Variants in GCAT observed in about 807,000 individuals in gnomAD.
GCAT encodes glycine C-acetyltransferase, also known as 2-amino-3-ketobutyrate coenzyme A ligase, mitochondrial.
A neutral mutation model predicts 39.7 loss-of-function variants in GCAT; 26 were observed. The observed-to-expected ratio is 0.65, with a 90% CI of 0.48 to 0.91. The LOEUF is 0.91. GCAT is among the 40% of genes least tolerant of loss of function. The pLI is 0.00. For synonymous variants in GCAT, 218 were observed against 237.2 expected (o/e 0.92, Z 0.74); for missense variants, 550 against 576.2 (o/e 0.95, Z 0.47).
At position 37,815,696 on chromosome 22, in the gene GCAT, C is replaced by T; in HGVS notation, c.848C>T (p.Ser283Phe). The T allele has an allele frequency of 6.2e-7, 1 of 1,613,276 alleles. No homozygotes were observed. Among genetic ancestry groups the T allele is most frequent in the Non-Finnish European group, 8.5e-7 (1 of 1,179,714 alleles). ...GYTTGPGPLV[S>F]LLRQRARPYL... ...ACGACAGGGCCTGGGCCCCTGGTGT[C>T]CCTGCTGCGGCAGCGCGCCCGGCCA... is the stretch of plus-strand genomic sequence containing the variant. Residue 283 changes from serine (S) to phenylalanine (F), a missense_variant, in exon 7 of 9, where the codon TCC (serine) becomes TTC (phenylalanine). By Grantham distance (155) the Ser-to-Phe change is radical. This residue lies in a region of GCAT where 378 missense variants were observed against 390.4 expected (regional missense o/e 0.97). Coordinates refer to ENST00000248924, the MANE Select transcript of GCAT (RefSeq NM_014291.4).
intron 1 of GCAT, among the ~76,000 whole-genome samples, chr22:37,809,626 CACGGACA>C (rs1921346557): frequency 6.6e-6 from 1 of 151,988 alleles, no homozygotes; most frequent in South Asian, 2.1e-4. Context: ...TCGAGACCAG[CACGGACA>C]ACATAATGAG....
At chr22:37,815,584 G>A in intron 6 of GCAT, 79 bp from the exon 7 acceptor site, 1 of 1,485,096 alleles carries the variant, frequency 6.7e-7, no homozygotes, top group Non-Finnish European at 9.3e-7. Context: ...AGGGCAGCAT[G>A]GACTGTACTT....
chr22:37,816,664 CCGCTG>C lies in GCAT; in HGVS notation c.1209_1213del (p.Cys404GlyfsTer19), dbSNP rs1922239668. The C allele has an allele frequency of 1.2e-6, 2 of 1,614,114 alleles. No individual in the cohort carries two copies. The highest frequency in any genetic ancestry group is 1.7e-6 in the Non-Finnish European group (2 of 1,180,014). On this transcript the variant is annotated frameshift_variant, in exon 9 of 9. Coordinates refer to ENST00000248924, the MANE Select transcript of GCAT (RefSeq NM_014291.4). LOFTEE classifies it high-confidence loss of function. ...CAGTGCATAGCGAGGAAGACATTGA[CCGCTG>C]CGTGGAGGCCTTCGTGGAAGTGGGG... is the stretch of plus-strand genomic sequence containing the variant.
rs1485321298 is a variant in GCAT, at chr22:37,815,219, T to A, written c.670T>A (p.Tyr224Asn). Residue 224 changes from tyrosine to asparagine, a missense_variant, in exon 5 of 9, where the codon TAT becomes AAT. Transcript: ENST00000248924. ...LQEICCLASRYGALVFMDECH... is the reference protein window; with the variant it reads ...LQEICCLASRNGALVFMDECH... Reference sequence around the variant, plus strand: ...GGAGATCTGCTGCCTCGCCTCTAGATATGGTGCCCTGGTCTTCATGGATGA... The same window carrying A: ...GGAGATCTGCTGCCTCGCCTCTAGAAATGGTGCCCTGGTCTTCATGGATGA... 1 of 1,613,982 alleles carries A rather than the reference T, an allele frequency of 6.2e-7. No homozygotes were observed. Among genetic ancestry groups the A allele is most frequent in the East Asian group, 2.2e-5 (1 of 44,892 alleles).
At position 37,816,586 on chromosome 22, in the gene GCAT, C is replaced by T; in HGVS notation, c.1128C>T (p.Phe376=). The part of the protein sequence containing the change: ...MLKRGIFVIG[F]SYPVVPKGKA... ...TCCCAGGCATCTTTGTCATCGGGTT[C>T]AGCTACCCCGTGGTCCCCAAGGGCA... Residue 376 remains phenylalanine, a synonymous_variant, in exon 9 of 9, where the codon TTC becomes TTT. Coordinates refer to ENST00000248924, the MANE Select transcript of GCAT (RefSeq NM_014291.4). 1 of 1,614,198 alleles carries T rather than the reference C, an allele frequency of 6.2e-7. No homozygotes were observed. Among genetic ancestry groups the T allele is most frequent in the Non-Finnish European group, 8.5e-7 (1 of 1,180,024 alleles).
Position 37,816,647 on chromosome 22 carries a change from A to T in GCAT, c.1189A>T (p.Ser397Cys), listed in dbSNP as rs143117832. The change falls in exon 9 of 9, where the codon AGC becomes TGC. Residue 397 changes from serine to cysteine, a missense_variant. Physicochemically the swap from Ser to Cys is moderately radical, Grantham distance 112. Transcript: ENST00000248924. Reference protein sequence around the residue: ...RIRVQISAVHSEEDIDRCVEA... With the variant: ...RIRVQISAVHCEEDIDRCVEA... ...CCGGGTACAGATCTCAGCAGTGCAT[A>T]GCGAGGAAGACATTGACCGCTGCGT... The T allele has an allele frequency of 2.5e-6, 4 of 1,614,034 alleles. No individual in the cohort carries two copies. In the Admixed American group the frequency reaches 6.7e-5, roughly 27 times the overall value.
At chr22:37,814,121 G>A (rs558289512) in intron 4 of GCAT, among the ~76,000 whole-genome samples, 1 of 152,038 alleles carries the variant, frequency 6.6e-6, no homozygotes, top group East Asian at 1.9e-4. Flanking sequence ...CTGTGTATGT[G>A]TGACAGTCTC....
At chr22:37,813,808 A>C (rs1921873984) in intron 4 of GCAT, among the ~76,000 whole-genome samples, 199 bp downstream of exon 4, 1 of 151,730 alleles carries the variant, frequency 6.6e-6, no homozygotes, top group Non-Finnish European at 1.5e-5. Context: ...CTCTGTCGCC[A>C]AGGCTGGAGT....
At chr22:37,814,102 G>A (rs928417428) in intron 4 of GCAT, among the ~76,000 whole-genome samples, 5 of 151,994 alleles carry the variant, frequency 3.3e-5, no homozygotes, top group African/African-American at 1.2e-4. Flanking sequence ...GGTGCCTTGA[G>A]GTTTTTCCCT....
intron 1 of GCAT, among the ~76,000 whole-genome samples, chr22:37,809,394 C>T (rs1452181620): frequency 2.6e-5 from 4 of 152,144 alleles, no homozygotes; most frequent in Non-Finnish European, 5.9e-5. Context: ...CTGCAGCAGG[C>T]GTCTGATCCA....
intron 4 of GCAT, among the ~76,000 whole-genome samples, chr22:37,814,639 G>A (rs780528074): frequency 2.6e-5 from 4 of 152,132 alleles, no homozygotes; most frequent in Non-Finnish European, 5.9e-5. Context: ...CAAAGTTACA[G>A]GCATGAGCCA....
At chr22:37,811,258 G>A (rs983632640) in intron 2 of GCAT, among the ~76,000 whole-genome samples, 7 of 152,036 alleles carry the variant, frequency 4.6e-5, no homozygotes, top group African/African-American at 1.7e-4. Flanking sequence ...TGATGCAGGC[G>A]GATCACCTGA....
chr22:37,809,663 TAAA>T (rs1463143988), intron 1 of GCAT, among the ~76,000 whole-genome samples: 4 of 151,718 alleles, frequency 2.6e-5, no homozygotes, highest in African/African-American at 9.7e-5. Flanking sequence ...CTACAAAAAA[TAAA>T]AAAATTTAAT....
At chr22:37,816,051 C>A in intron 7 of GCAT, 149 bp from the exon 8 acceptor site, 1 of 1,028,302 alleles carries the variant, frequency 9.7e-7, no homozygotes, top group Non-Finnish European at 1.4e-6. Flanking sequence ...CTGCCCCCTG[C>A]CTGGCTCCCC....
At chr22:37,813,259 C>T (rs1249873246) in intron 3 of GCAT, 2 of 709,328 alleles carry the variant, frequency 2.8e-6, no homozygotes, top group Non-Finnish European at 5.2e-6. Context: ...CAAATATATT[C>T]TCACCTCCTC....
At position 37,816,609 on chromosome 22, in the gene GCAT, G is replaced by A. The variant is rs1302734393; in HGVS notation, c.1151G>A (p.Gly384Asp). 6.2e-7 allele frequency: 1 copy of A among 1,614,188 alleles called. No individual in the cohort carries two copies. The highest frequency in any genetic ancestry group is 1.7e-5 in the Admixed American group (1 of 60,030). Residue 384 changes from glycine to aspartate, a missense_variant, in exon 9 of 9, where the codon GGC becomes GAC. Transcript: ENST00000248924. ...TTCAGCTACCCCGTGGTCCCCAAGG[G>A]CAAGGCCCGGATCCGGGTACAGATC... The part of the protein sequence containing the change: ...IGFSYPVVPK[G>D]KARIRVQISA...
intron 5 of GCAT, 21 bp from the exon 6 acceptor site, chr22:37,815,397 C>A: frequency 6.2e-7 from 1 of 1,604,652 alleles, no homozygotes; most frequent in Non-Finnish European, 8.5e-7. Context: ...CCAGTGACAG[C>A]AGCGGTGGCT....
At chr22:37,815,036 G>A in intron 4 of GCAT, 90 bp from the exon 5 acceptor site, 4 of 1,323,470 alleles carry the variant, frequency 3.0e-6, no homozygotes, top group South Asian at 1.3e-5. Context: ...CACTGGGCAG[G>A]ATGAGCTCTC....
intron 2 of GCAT, among the ~76,000 whole-genome samples, chr22:37,811,503 A>G (rs1023632623): frequency 2.0e-5 from 3 of 147,026 alleles, no homozygotes; most frequent in South Asian, 2.2e-4. Context: ...AAAAAAAAAA[A>G]GCATAGAACA....
Sources: gnomAD v4.1 joint callset for allele counts (sites outside exome capture counted in the v4.1 genomes callset) on GRCh38, gnomAD v4.1.1 for gene constraint, gnomAD v4.1.1 regional missense constraint, MANE v1.5 for transcripts, NCBI Gene and HGNC (gene_info 2026-07-23, HGNC 2026-07-21) for gene names.